THRB: variants seen among roughly 807,000 people sequenced by gnomAD.
THRB encodes nuclear receptor subfamily 1 group A member 2.
THRB carries 12 observed loss-of-function variants against 47.8 expected under a neutral mutation model. The observed-to-expected ratio is 0.25, with a 90% CI of 0.16 to 0.41. The LOEUF (loss-of-function observed/expected upper bound fraction) is 0.41. THRB is among the 10% of genes least tolerant of loss of function. THRB has a pLI of 1.00. For missense variants in THRB, 348 were observed against 589.2 expected, an observed-to-expected ratio of 0.59 and a Z score of 4.24; for synonymous variants, 218 against 212.2, an observed-to-expected ratio of 1.03 and a Z score of -0.24.
intron 4 of THRB, among the ~76,000 whole-genome samples, chr3:24,200,004 T>G (rs2044405518): frequency 6.6e-6 from 1 of 152,184 alleles, no homozygotes; most frequent in East Asian, 1.9e-4. Context: ...CATTTGATTT[T>G]CCATAATTCA....
chr3:24,147,427 G>A (rs879902251), intron 6 of THRB, among the ~76,000 whole-genome samples: 10 of 152,158 alleles, frequency 6.6e-5, no homozygotes, highest in Non-Finnish European at 1.0e-4. Context: ...GGAGTAGAAC[G>A]CTCCAGGTTT....
chr3:24,353,694 AAAAAC>A (rs1458709227), intron 1 of THRB, among the ~76,000 whole-genome samples: 1 of 152,168 alleles, frequency 6.6e-6, no homozygotes, highest in East Asian at 1.9e-4. Context: ...TCCATATGAT[AAAAAC>A]AAAACAAAGC....
chr3:24,439,367 G>T (rs2071301479), intron 1 of THRB, among the ~76,000 whole-genome samples: 1 of 152,144 alleles, frequency 6.6e-6, no homozygotes, highest in Non-Finnish European at 1.5e-5. Flanking sequence ...TACAGGAGCT[G>T]AACTCCAGGT....
At chr3:24,451,538 A>G (rs2072657238) in intron 1 of THRB, among the ~76,000 whole-genome samples, 1 of 152,106 alleles carries the variant, frequency 6.6e-6, no homozygotes, top group Non-Finnish European at 1.5e-5. Flanking sequence ...CCCGGCCTAC[A>G]TGTACCTTTA....
At chr3:24,411,264 C>CA (rs2150177418) in intron 1 of THRB, among the ~76,000 whole-genome samples, 1 of 151,766 alleles carries the variant, frequency 6.6e-6, no homozygotes, top group South Asian at 2.1e-4. Context: ...TTCTCAATAT[C>CA]AAAAAATATT....
chr3:24,267,910 T>C (rs537082692), intron 3 of THRB, among the ~76,000 whole-genome samples: 2 of 152,182 alleles, frequency 1.3e-5, no homozygotes, highest in African/African-American at 4.8e-5. Flanking sequence ...ACAAACATCA[T>C]TGAGTAACAT....
At chr3:24,451,731 C>A (rs2072676871) in intron 1 of THRB, among the ~76,000 whole-genome samples, 1 of 152,196 alleles carries the variant, frequency 6.6e-6, no homozygotes, top group South Asian at 2.1e-4. Context: ...GCACAAATCT[C>A]CCTGATAGTC....
intron 1 of THRB, among the ~76,000 whole-genome samples, chr3:24,360,974 G>A (rs576782647): frequency 6.6e-6 from 1 of 152,270 alleles, no homozygotes; most frequent in South Asian, 2.1e-4. Context: ...AGCCAAGGTT[G>A]AAAACCACTG....
chr3:24,292,439 A>G (rs781361987), intron 3 of THRB, among the ~76,000 whole-genome samples: 6 of 152,120 alleles, frequency 3.9e-5, no homozygotes, highest in Non-Finnish European at 8.8e-5. Context: ...TAATATTTAT[A>G]TTTTTAGATG....
chr3:24,347,644 A>T (rs2063105928), intron 1 of THRB, among the ~76,000 whole-genome samples: 1 of 140,278 alleles, frequency 7.1e-6, no homozygotes, highest in Non-Finnish European at 1.5e-5. Context: ...TTTAAAGAAT[A>T]AAAAAAAGAA....
At chr3:24,324,983 G>A (rs1179259985) in intron 2 of THRB, among the ~76,000 whole-genome samples, 2 of 152,162 alleles carry the variant, frequency 1.3e-5, no homozygotes, top group South Asian at 2.1e-4. Context: ...AAAATAAAAT[G>A]AATAAAATCG....
intron 2 of THRB, among the ~76,000 whole-genome samples, chr3:24,312,741 A>G (rs1304049883): frequency 6.6e-6 from 1 of 152,178 alleles, no homozygotes; most frequent in Non-Finnish European, 1.5e-5. Context: ...GAGATCTGTG[A>G]GTCTGGGCCA....
At chr3:24,212,177 T>A (rs2046100561) in intron 4 of THRB, among the ~76,000 whole-genome samples, 1 of 151,604 alleles carries the variant, frequency 6.6e-6, no homozygotes, top group Non-Finnish European at 1.5e-5. Context: ...GGTGGGTGGA[T>A]CACGAAGTCA....
At chr3:24,152,324 TG>T in intron 6 of THRB, 65 bp downstream of exon 6, 1 of 845,410 alleles carries the variant, frequency 1.2e-6, no homozygotes, top group East Asian at 2.4e-5. Context: ...CATTGCATTC[TG>T]GAAGAGGACT....
At chr3:24,382,017 GC>G (rs1299317993) in intron 1 of THRB, among the ~76,000 whole-genome samples, 6 of 151,764 alleles carry the variant, frequency 4.0e-5, no homozygotes, top group African/African-American at 7.3e-5. Context: ...AAAGTATCAA[GC>G]AAATACTGAT....
At chr3:24,400,577 C>A (rs2150073971) in intron 1 of THRB, among the ~76,000 whole-genome samples, 1 of 152,010 alleles carries the variant, frequency 6.6e-6, no homozygotes, top group East Asian at 1.9e-4. Flanking sequence ...AAAAAAACAC[C>A]TTGCAGGAAG....
chr3:24,356,055 A>G (rs909409888), intron 1 of THRB, among the ~76,000 whole-genome samples: 1 of 152,108 alleles, frequency 6.6e-6, no homozygotes, highest in South Asian at 2.1e-4. Context: ...AAACCAGACA[A>G]ATTATGTGCT....
At chr3:24,221,145 C>T (rs1419862393) in intron 4 of THRB, among the ~76,000 whole-genome samples, 1 of 152,190 alleles carries the variant, frequency 6.6e-6, no homozygotes, top group Admixed American at 6.5e-5. Context: ...AAAACAAGCG[C>T]CTGGGACTTT....
intron 1 of THRB, among the ~76,000 whole-genome samples, chr3:24,368,082 G>A (rs555345191): frequency 7.6e-4 from 116 of 152,160 alleles, no homozygotes; most frequent in African/African-American, 2.7e-3. Flanking sequence ...CTTAACATAT[G>A]TAATTATTTT....
Sources: gnomAD v4.1 joint callset for allele counts (sites outside exome capture counted in the v4.1 genomes callset) on GRCh38, gnomAD v4.1.1 for gene constraint, MANE v1.5 for transcripts, NCBI Gene and HGNC (gene_info 2026-07-23, HGNC 2026-07-21) for gene names.